The following RALGPS1 variants were observed in gnomAD, a reference collection of about 807,000 sequenced individuals.
The protein encoded by RALGPS1 is Ral GEF with PH domain and SH3 binding motif 1, also known as ras-specific guanine nucleotide-releasing factor RalGPS1.
RALGPS1 carries 19 observed loss-of-function variants against 78.8 expected under a neutral mutation model. That is an observed-to-expected ratio of 0.24 (90% CI 0.17 to 0.35). RALGPS1 has a LOEUF of 0.35. Ranked by LOEUF, RALGPS1 falls within the 10% of genes least tolerant of loss-of-function variation. The pLI, the probability that RALGPS1 is intolerant of heterozygous loss-of-function variation, is 1.00. For missense variants in RALGPS1, 454 were observed against 688.3 expected, an observed-to-expected ratio of 0.66 and a Z score of 3.81; for synonymous variants, 228 against 256.3, an observed-to-expected ratio of 0.89 and a Z score of 1.06.
intron 8 of RALGPS1, among the ~76,000 whole-genome samples, chr9:127,130,749 TGAA>T (rs1704928019): frequency 6.6e-6 from 1 of 152,232 alleles, no homozygotes. Context: ...AGTTTTCAGA[TGAA>T]GAAACTGAGG....
intron 8 of RALGPS1, among the ~76,000 whole-genome samples, chr9:127,147,043 A>AT (rs1359915071): frequency 6.6e-6 from 1 of 152,018 alleles, no homozygotes; most frequent in Non-Finnish European, 1.5e-5. Context: ...GCATCTGTTG[A>AT]TTTTTTTAAC....
At chr9:127,185,045 C>T (rs2060548761) in intron 11 of RALGPS1, among the ~76,000 whole-genome samples, 1 of 152,252 alleles carries the variant, frequency 6.6e-6, no homozygotes, top group South Asian at 2.1e-4. Flanking sequence ...ACCCAGTGGC[C>T]TCCAGATATC....
At chr9:127,216,874 A>C in intron 18 of RALGPS1, 1 of 1,517,448 alleles carries the variant, frequency 6.6e-7, no homozygotes, top group Non-Finnish European at 8.8e-7. Flanking sequence ...TCTTAAGAGC[A>C]TAGCACACTG....
chr9:126,980,628 A>C (rs1055529907), intron 4 of RALGPS1, among the ~76,000 whole-genome samples: 3 of 152,222 alleles, frequency 2.0e-5, no homozygotes, highest in Non-Finnish European at 4.4e-5. Flanking sequence ...GACTGATAGC[A>C]GTTTGCTTTG....
At chr9:127,149,029 G>A (rs975033237) in intron 8 of RALGPS1, among the ~76,000 whole-genome samples, 1 of 152,206 alleles carries the variant, frequency 6.6e-6, no homozygotes, top group South Asian at 2.1e-4. Context: ...CCACATGAGG[G>A]AGGCACCGTT....
chr9:126,948,156 C>G (rs982707684), intron 1 of RALGPS1, among the ~76,000 whole-genome samples: 1 of 152,092 alleles, frequency 6.6e-6, no homozygotes, highest in Non-Finnish European at 1.5e-5. Flanking sequence ...AGCAGACTTG[C>G]CTTTTATATT....
intron 9 of RALGPS1, 48 bp from the exon 10 acceptor site, chr9:127,168,631 T>A (rs2139690842): frequency 7.5e-7 from 1 of 1,340,768 alleles, no homozygotes; most frequent in South Asian, 1.2e-5. Context: ...TCTGGGGGCC[T>A]AAAGATGGGA....
At chr9:126,976,878 T>C (rs2040711500) in intron 3 of RALGPS1, among the ~76,000 whole-genome samples, 1 of 152,214 alleles carries the variant, frequency 6.6e-6, no homozygotes, top group African/African-American at 2.4e-5. Context: ...TGAAAAATGG[T>C]CAGCATGATG....
At chr9:127,174,179 A>C (rs1383260894) in intron 10 of RALGPS1, among the ~76,000 whole-genome samples, 1 of 151,818 alleles carries the variant, frequency 6.6e-6, no homozygotes, top group Non-Finnish European at 1.5e-5. Flanking sequence ...CAGGAGAATC[A>C]CTGCATTCCA....
chr9:126,964,115 T>C (rs768910691), intron 2 of RALGPS1, among the ~76,000 whole-genome samples: 34 of 151,994 alleles, frequency 2.2e-4, no homozygotes, highest in Non-Finnish European at 4.4e-4. Flanking sequence ...CCCAGCACTT[T>C]GGGAGGCTGA....
intron 5 of RALGPS1, 114 bp from the exon 6 acceptor site, chr9:127,049,929 T>G: frequency 2.6e-6 from 2 of 777,896 alleles, no homozygotes; most frequent in Non-Finnish European, 4.5e-6. Context: ...TCTCCCAGTT[T>G]CCTGACCTCT....
intron 1 of RALGPS1, among the ~76,000 whole-genome samples, chr9:126,924,144 A>G (rs1042052279): frequency 3.3e-5 from 5 of 152,244 alleles, no homozygotes; most frequent in African/African-American, 2.4e-5. Flanking sequence ...GAACATGTCC[A>G]TATGCATGTA....
At chr9:126,978,323 A>G (rs1295901629) in intron 4 of RALGPS1, 4 of 150,722 alleles carry the variant, frequency 2.7e-5, no homozygotes, top group African/African-American at 7.3e-5. Context: ...AAAAAAAAGC[A>G]TATGTACATT....
intron 1 of RALGPS1, among the ~76,000 whole-genome samples, chr9:126,938,540 T>G (rs2036473490): frequency 2.0e-5 from 3 of 151,938 alleles, no homozygotes; most frequent in Admixed American, 2.0e-4. Context: ...AGGAATGTGC[T>G]CTTGGTGGCT....
chr9:127,036,955 A>T (rs1481080520), intron 5 of RALGPS1, among the ~76,000 whole-genome samples: 1 of 152,212 alleles, frequency 6.6e-6, no homozygotes, highest in East Asian at 1.9e-4. Context: ...TAGACTGAGA[A>T]GCTGTGTCTC....
intron 9 of RALGPS1, among the ~76,000 whole-genome samples, chr9:127,166,449 T>C (rs2059294735): frequency 6.6e-6 from 1 of 152,220 alleles, no homozygotes; most frequent in Non-Finnish European, 1.5e-5. Flanking sequence ...TAGTCACTTG[T>C]CCACAATCAC....
intron 1 of RALGPS1, among the ~76,000 whole-genome samples, chr9:126,945,621 C>T (rs910494419): frequency 1.3e-5 from 2 of 152,198 alleles, no homozygotes; most frequent in Non-Finnish European, 2.9e-5. Flanking sequence ...CTTGCCTTCC[C>T]CTTTCTGCTG....
chr9:127,129,484 T>G (rs2056860164), intron 8 of RALGPS1, among the ~76,000 whole-genome samples: 1 of 152,162 alleles, frequency 6.6e-6, no homozygotes, highest in African/African-American at 2.4e-5. Flanking sequence ...CTGCTGAAAT[T>G]CCCATTCCAA....
intron 4 of RALGPS1, among the ~76,000 whole-genome samples, chr9:126,982,919 CTTCT>C (rs2041422592): frequency 1.3e-5 from 1 of 76,366 alleles, no homozygotes; most frequent in South Asian, 7.7e-4. Flanking sequence ...TCTTCTTCTT[CTTCT>C]TCTTCTTTTT....
Sources: gnomAD v4.1 joint callset for allele counts (sites outside exome capture counted in the v4.1 genomes callset) on GRCh38, gnomAD v4.1.1 for gene constraint, MANE v1.5 for transcripts, NCBI Gene and HGNC (gene_info 2026-07-23, HGNC 2026-07-21) for gene names.